Variants in CFDP1 observed in about 807,000 individuals in gnomAD.
The protein encoded by CFDP1 is heterochromatin-stabilizing protein CFDP1.
In CFDP1, 31 loss-of-function variants were observed where a neutral mutation model predicts 40.1. The observed-to-expected ratio is 0.77, with a 90% CI of 0.58 to 1.04. The LOEUF (loss-of-function observed/expected upper bound fraction) is 1.04. Among genes scored for constraint, CFDP1 ranks in the 50% least tolerant of loss-of-function variants. The pLI is 0.00. For synonymous variants in CFDP1, 167 were observed against 120.0 expected (o/e 1.39, Z -2.56); for missense variants, 423 against 343.4 (o/e 1.23, Z -1.83).
chr16:75,408,101 C>G (rs368788152), intron 4 of CFDP1, among the ~76,000 whole-genome samples: 4 of 137,764 alleles, frequency 2.9e-5, no homozygotes, highest in African/African-American at 1.1e-4. Context: ...GAGACTCTGT[C>G]TCAAAAAAGG....
chr16:75,429,661 ATAAG>A (rs1348281766), intron 1 of CFDP1, among the ~76,000 whole-genome samples: 1 of 152,184 alleles, frequency 6.6e-6, no homozygotes, highest in Non-Finnish European at 1.5e-5. Flanking sequence ...CTCTAAATAA[ATAAG>A]TAAATACACT....
intron 4 of CFDP1, among the ~76,000 whole-genome samples, chr16:75,406,224 G>A (rs1328017582): frequency 4.6e-5 from 7 of 151,878 alleles, no homozygotes; most frequent in Middle Eastern, 3.4e-3. Flanking sequence ...AAATAAAAAC[G>A]AATTAGCTAG....
intron 5 of CFDP1, among the ~76,000 whole-genome samples, chr16:75,356,433 G>A (rs549756310): frequency 9.2e-5 from 14 of 152,266 alleles, no homozygotes; most frequent in East Asian, 7.7e-4. Context: ...CTGTCTGAGC[G>A]GTATGTCTCA....
At chr16:75,391,089 C>T (rs1365134084) in intron 5 of CFDP1, among the ~76,000 whole-genome samples, 1 of 152,196 alleles carries the variant, frequency 6.6e-6, no homozygotes, top group South Asian at 2.1e-4. Context: ...GTGACTTAAG[C>T]TGATTTTAAG....
At chr16:75,347,359 A>AAAAGAAAAAG (rs1555556964) in intron 5 of CFDP1, among the ~76,000 whole-genome samples, 1 of 53,668 alleles carries the variant, frequency 1.9e-5, no homozygotes, top group Non-Finnish European at 3.3e-5. Context: ...AAAAAAAAAA[A>AAAAGAAAAAG]AAAAAGAAAA....
chr16:75,336,998 T>C (rs568511322), intron 5 of CFDP1, among the ~76,000 whole-genome samples: 1 of 152,368 alleles, frequency 6.6e-6, no homozygotes, highest in South Asian at 2.1e-4. Context: ...TGCACCTTGT[T>C]TGGCTCTGAG....
chr16:75,391,546 T>C (rs937263295), intron 5 of CFDP1: 1 of 152,216 alleles, frequency 6.6e-6, no homozygotes. Context: ...TCAGAGCATA[T>C]TATACATAGT....
chr16:75,331,932 T>C (rs76805164), intron 5 of CFDP1, among the ~76,000 whole-genome samples: 6,541 of 152,322 alleles, frequency 0.043, 184 homozygotes, highest in Non-Finnish European at 0.061. Context: ...CCATCAGCTA[T>C]GTATGTTTTA....
At chr16:75,312,677 T>C (rs2078301187) in intron 5 of CFDP1, among the ~76,000 whole-genome samples, 1 of 152,202 alleles carries the variant, frequency 6.6e-6, no homozygotes, top group Non-Finnish European at 1.5e-5. Context: ...TTGCCAACCC[T>C]TTCTTCCATG....
intron 5 of CFDP1, among the ~76,000 whole-genome samples, chr16:75,310,324 A>G (rs1291054530): frequency 6.6e-6 from 1 of 152,164 alleles, no homozygotes; most frequent in Admixed American, 6.5e-5. Context: ...TCAGTTATCC[A>G]TCAATCAGCA....
intron 6 of CFDP1, among the ~76,000 whole-genome samples, chr16:75,295,845 G>A (rs2078178322): frequency 6.6e-6 from 1 of 152,224 alleles, no homozygotes; most frequent in Non-Finnish European, 1.5e-5. Flanking sequence ...AAAAAGGGAA[G>A]ACAGGTAGGG....
At chr16:75,325,444 T>A (rs2078395015) in intron 5 of CFDP1, among the ~76,000 whole-genome samples, 2 of 152,252 alleles carry the variant, frequency 1.3e-5, no homozygotes, top group Admixed American at 1.3e-4. Context: ...CTGATCATCC[T>A]ATTTAATACT....
Position 75,315,744 on chromosome 16 carries a change from A to G in CFDP1, c.651-10562T>C, listed in dbSNP as rs150779958. On this transcript the variant is annotated intron_variant, in intron 5 of 6. Transcript: ENST00000283882. ...GGAGCCATTGCATCATTTCACCTCT[A>G]CATACCTTTAGCATGTATCTCCCAA... Among the ~76,000 whole-genome samples, 260 of 152,286 alleles carry G rather than the reference A, an allele frequency of 1.7e-3. 1 individual carries two copies. The highest frequency in any genetic ancestry group is 0.01 in the Middle Eastern group (3 of 294).
Position 75,409,694 on chromosome 16 carries a change from G to A in CFDP1, c.530+2131C>T, listed in dbSNP as rs1160833682. On this transcript the variant is annotated intron_variant, in intron 4 of 6. Coordinates refer to ENST00000283882, the MANE Select transcript of CFDP1 (RefSeq NM_006324.3). ...ACGTGCTAAAGTATTAAAGGCTGAT[G>A]TGTCACAATGTCTACAAGTAATTCT... Among the ~76,000 whole-genome samples the A allele has an allele frequency of 3.3e-5, 5 of 152,198 alleles. No individual in the cohort carries two copies. In the East Asian group the frequency reaches 9.6e-4, roughly 29 times the overall value.
chr16:75,421,838 G>T (rs2079283991), intron 1 of CFDP1, among the ~76,000 whole-genome samples: 1 of 152,034 alleles, frequency 6.6e-6, no homozygotes, highest in Non-Finnish European at 1.5e-5. Context: ...TGGGGAAGTG[G>T]TTCCAAGATC....
chr16:75,409,400 G>C (rs1459662146), intron 4 of CFDP1: 1 of 152,220 alleles, frequency 6.6e-6, no homozygotes, highest in Non-Finnish European at 1.5e-5. Flanking sequence ...CACACACACA[G>C]TGCTGTGGTG....
At chr16:75,353,016 G>T (rs922722319) in intron 5 of CFDP1, among the ~76,000 whole-genome samples, 12 of 152,124 alleles carry the variant, frequency 7.9e-5, no homozygotes, top group African/African-American at 2.7e-4. Context: ...CTACTATGAG[G>T]ATGTAACCAG....
intron 1 of CFDP1, among the ~76,000 whole-genome samples, chr16:75,418,530 C>T (rs1030101900): frequency 4.6e-5 from 7 of 151,800 alleles, no homozygotes; most frequent in African/African-American, 1.7e-4. Context: ...AAGATGGTCT[C>T]GAACTCCTGA....
Position 75,395,161 on chromosome 16 carries a change from G to C in CFDP1, c.579C>G (p.Phe193Leu), listed in dbSNP as rs376675615. ...GTGGTTTTTCTTTCTCATTCTGCTT[G>C]AAGAAGGATTTGGCCTCTTTAGATG... ...DATSKEAKSF[F>L]KQNEKEKPQA... The change falls in exon 5 of 7, where the codon TTC becomes TTG. Residue 193 changes from phenylalanine (F) to leucine (L), a missense_variant. Transcript: ENST00000283882. 3 of 1,613,648 alleles carry C rather than the reference G, an allele frequency of 1.9e-6. No individual in the cohort carries two copies. The highest frequency in any genetic ancestry group is 1.3e-5 in the African/African-American group (1 of 74,868).
Sources: gnomAD v4.1 joint callset for allele counts (sites outside exome capture counted in the v4.1 genomes callset) on GRCh38, gnomAD v4.1.1 for gene constraint, MANE v1.5 for transcripts, NCBI Gene and HGNC (gene_info 2026-07-23, HGNC 2026-07-21) for gene names.